Variants in SLC5A3 observed in about 807,000 individuals in gnomAD.
The protein encoded by SLC5A3 is sodium/myo-inositol cotransporter.
A neutral mutation model predicts 43.2 loss-of-function variants in SLC5A3; 10 were observed. The ratio of observed to expected loss-of-function variants is 0.23; its 90% CI spans 0.14 to 0.39. SLC5A3 has a LOEUF of 0.39. SLC5A3 is among the 10% of genes least tolerant of loss of function. The pLI is 1.00. For missense variants in SLC5A3, 608 were observed against 893.4 expected, an observed-to-expected ratio of 0.68 and a Z score of 4.07; for synonymous variants, 349 against 322.0, an observed-to-expected ratio of 1.08 and a Z score of -0.90.
chr21:34,100,022 T>G lies in SLC5A3; in HGVS notation c.*2667T>G, dbSNP rs929594704. The G allele has an allele frequency of 2.2e-6, 2 of 889,228 alleles. No individual in the cohort carries two copies. Among genetic ancestry groups the G allele is most frequent in the African/African-American group, 3.6e-5 (2 of 55,084 alleles). 55.1% of individuals were successfully genotyped at this position (889,228 alleles called of 1,614,324 possible). A position where few individuals can be genotyped will look rare whatever the true frequency, so the allele number is the denominator to read the frequency against. ...TTAAGCTAGCAAAATGTTCATACTT[T>G]ACACTGACTAAATGGGTCCTAAATG... On this transcript the variant is annotated 3_prime_UTR_variant, in exon 2 of 2. Transcript: ENST00000381151.
chr21:34,089,915 G>A (rs1023221236), intron 1 of SLC5A3, among the ~76,000 whole-genome samples: 3 of 152,142 alleles, frequency 2.0e-5, no homozygotes, highest in East Asian at 1.9e-4. Flanking sequence ...AAAACATTAC[G>A]GTACAGGTTG....
intron 1 of SLC5A3, among the ~76,000 whole-genome samples, chr21:34,091,615 GATTA>G (rs944594610): frequency 4.2e-4 from 64 of 152,032 alleles, no homozygotes; most frequent in African/African-American, 1.2e-3. Context: ...TCTCTATTTG[GATTA>G]ATTCTTCAGT....
rs917931284 is a variant in SLC5A3, at chr21:34,100,620, T to C, written c.*3265T>C. The C allele has an allele frequency of 8.0e-6, 8 of 1,000,052 alleles. No individual in the cohort carries two copies. In the Admixed American group the frequency reaches 3.7e-4, roughly 46 times the overall value. The allele number at this position is 1,000,052 out of a possible 1,614,324, so 61.9% of individuals were successfully genotyped here. A position where few individuals can be genotyped will look rare whatever the true frequency, so the allele number is the denominator to read the frequency against. On this transcript the variant is annotated 3_prime_UTR_variant, in exon 2 of 2. Coordinates refer to ENST00000381151, the MANE Select transcript of SLC5A3 (RefSeq NM_006933.7). Reference sequence around the variant, plus strand: ...TCTTAGGGATGATACCTCAAGAAATTAGCTGGGACCCATCACTCTGTGAAA... The same window carrying C: ...TCTTAGGGATGATACCTCAAGAAATCAGCTGGGACCCATCACTCTGTGAAA...
At chr21:34,082,341 T>C (rs1989477776) in intron 1 of SLC5A3, among the ~76,000 whole-genome samples, 1 of 152,194 alleles carries the variant, frequency 6.6e-6, no homozygotes, top group African/African-American at 2.4e-5. Context: ...GGCTAAAATA[T>C]ACATGTAGGC....
intron 1 of SLC5A3, among the ~76,000 whole-genome samples, chr21:34,082,820 G>A (rs999395269): frequency 2.6e-5 from 4 of 152,046 alleles, no homozygotes; most frequent in African/African-American, 9.7e-5. Flanking sequence ...TCTTACGTAC[G>A]TTTTGGCCCA....
At chr21:34,084,456 A>G (rs1042321917) in intron 1 of SLC5A3, among the ~76,000 whole-genome samples, 2 of 152,194 alleles carry the variant, frequency 1.3e-5, no homozygotes, top group African/African-American at 4.8e-5. Flanking sequence ...CATAGTTGCT[A>G]GCCTTTGAGG....
intron 1 of SLC5A3, among the ~76,000 whole-genome samples, chr21:34,089,017 C>A (rs1448712165): frequency 6.6e-6 from 1 of 152,026 alleles, no homozygotes; most frequent in Non-Finnish European, 1.5e-5. Context: ...GGCATTGCTG[C>A]TCTGTTATTT....
chr21:34,082,934 T>C (rs764310389), intron 1 of SLC5A3, among the ~76,000 whole-genome samples: 18 of 152,118 alleles, frequency 1.2e-4, no homozygotes, highest in Non-Finnish European at 1.6e-4. Context: ...TCAGTAGAGG[T>C]TGGTGTAGAT....
rs894470842 is a variant in SLC5A3, at chr21:34,101,249, C to CT, written c.*3896dup. The CT allele has an allele frequency of 4.0e-6, 4 of 999,962 alleles. No individual in the cohort carries two copies. The African/African-American group carries it at 7.0e-5, about 17-fold the overall frequency. 61.9% of individuals were successfully genotyped at this position (999,962 alleles called of 1,614,324 possible). ...AGAATCATTTTCATTAGATTTAGAG[C>CT]TTGAAGCACCTTGGCTCTCAGCTAC... is the stretch of plus-strand genomic sequence containing the variant. On this transcript the variant is annotated 3_prime_UTR_variant, in exon 2 of 2. Transcript: ENST00000381151.
intron 1 of SLC5A3, among the ~76,000 whole-genome samples, chr21:34,075,852 A>C (rs1989317611): frequency 1.3e-5 from 2 of 152,330 alleles, no homozygotes; most frequent in South Asian, 4.1e-4. Context: ...TTTGGGGGGA[A>C]ACGAATTTAA....
chr21:34,105,921 T>G lies in SLC5A3; in HGVS notation c.*8566T>G. ...CAATTCTAACTTGTCTATTCTAACC[T>G]ATTGTGTACAATCTGATTTTTTAAA... On this transcript the variant is annotated 3_prime_UTR_variant, in exon 2 of 2. Transcript: ENST00000381151. The G allele has an allele frequency of 1.0e-6, 1 of 988,560 alleles. No individual in the cohort carries two copies. The highest frequency in any genetic ancestry group is 1.2e-6 in the Non-Finnish European group (1 of 819,304). The allele number at this position is 988,560 out of a possible 1,614,324, so 61.2% of individuals were successfully genotyped here.
At chr21:34,088,833 AG>A (rs1164845234) in intron 1 of SLC5A3, among the ~76,000 whole-genome samples, 2 of 152,074 alleles carry the variant, frequency 1.3e-5, no homozygotes, top group Non-Finnish European at 2.9e-5. Flanking sequence ...AACTAGACAC[AG>A]TACCTAGATG....
rs919527995 is a variant in SLC5A3, at chr21:34,100,018, A to G, written c.*2663A>G. The G allele has an allele frequency of 2.3e-6, 2 of 862,086 alleles. No individual in the cohort carries two copies. The highest frequency in any genetic ancestry group is 2.8e-6 in the Non-Finnish European group (2 of 703,938). 53.4% of individuals were successfully genotyped at this position (862,086 alleles called of 1,614,324 possible). ...TGTCTTAAGCTAGCAAAATGTTCAT[A>G]CTTTACACTGACTAAATGGGTCCTA... On this transcript the variant is annotated 3_prime_UTR_variant, in exon 2 of 2. Coordinates refer to ENST00000381151, the MANE Select transcript of SLC5A3 (RefSeq NM_006933.7).
intron 1 of SLC5A3, among the ~76,000 whole-genome samples, chr21:34,090,401 A>C (rs1037699181): frequency 2.6e-5 from 4 of 152,322 alleles, no homozygotes; most frequent in African/African-American, 9.6e-5. Context: ...GCATGTATGT[A>C]AAGTCTTAAG....
At chr21:34,093,176 T>C (rs1042597110) in intron 1 of SLC5A3, among the ~76,000 whole-genome samples, 1 of 151,938 alleles carries the variant, frequency 6.6e-6, no homozygotes, top group African/African-American at 2.4e-5. Context: ...AAGGTGGTCA[T>C]AGAAATATGA....
chr21:34,090,717 T>A lies in SLC5A3; in HGVS notation c.-336-4146T>A, dbSNP rs79292992. On this transcript the variant is annotated intron_variant, in intron 1 of 1. Transcript: ENST00000381151. ...AATACTAGCTTTCTCTGTTACTTAT[T>A]CCTTATAAATCATAAGGAGCAAGTT... Among the ~76,000 whole-genome samples the A allele has an allele frequency of 1.7e-3, 260 of 152,332 alleles. 2 individuals carry two copies. The highest frequency in any genetic ancestry group is 6.0e-3 in the African/African-American group (251 of 41,582).
Position 34,096,095 on chromosome 21 carries a change from T to C in SLC5A3, c.897T>C (p.Thr299=). 6.2e-7 allele frequency: 1 copy of C among 1,614,164 alleles called. No individual in the cohort carries two copies. The highest frequency in any genetic ancestry group is 8.5e-7 in the Non-Finnish European group (1 of 1,180,010). ...ACATTGCTCATGCCAAAGGCTCTAC[T>C]CTTATGGCTGGCTTCTTAAAGCTCC... ...AKNIAHAKGS[T]LMAGFLKLLP... Residue 299 remains threonine (T), a synonymous_variant, in exon 2 of 2, where the codon ACT becomes ACC. Coordinates refer to ENST00000381151, the MANE Select transcript of SLC5A3 (RefSeq NM_006933.7). This position sits in a 1 kb window ranked among gnomAD's most constrained non-coding sequence, Gnocchi z 5.9.
Position 34,105,305 on chromosome 21 carries a change from T to G in SLC5A3, c.*7950T>G. The G allele has an allele frequency of 5.0e-6, 5 of 999,998 alleles. No homozygotes were observed. The highest frequency in any genetic ancestry group is 6.0e-6 in the Non-Finnish European group (5 of 829,754). The allele number at this position is 999,998 out of a possible 1,614,324, so 61.9% of individuals were successfully genotyped here. On this transcript the variant is annotated 3_prime_UTR_variant, in exon 2 of 2. Transcript: ENST00000381151. Reference sequence around the variant, plus strand: ...GAACTGTGTTATACTTCTCAGTGCTTTCTTTTTTCTTTTTGATAAGATGGA... The same window carrying G: ...GAACTGTGTTATACTTCTCAGTGCTGTCTTTTTTCTTTTTGATAAGATGGA...
intron 1 of SLC5A3, among the ~76,000 whole-genome samples, chr21:34,080,720 A>G (rs980443398): frequency 6.6e-6 from 1 of 152,212 alleles, no homozygotes; most frequent in Non-Finnish European, 1.5e-5. Flanking sequence ...CTAGATTACA[A>G]ATTCTTGAGA....
Sources: gnomAD v4.1 joint callset for allele counts (sites outside exome capture counted in the v4.1 genomes callset) on GRCh38, gnomAD v4.1.1 for gene constraint, Gnocchi (gnomAD v3.1) non-coding constraint, MANE v1.5 for transcripts, NCBI Gene and HGNC (gene_info 2026-07-23, HGNC 2026-07-21) for gene names.